NMBR: variants seen among roughly 807,000 people sequenced by gnomAD.
NMBR encodes the protein neuromedin-B receptor.
NMBR carries 16 observed loss-of-function variants against 20.5 expected under a neutral mutation model. The observed-to-expected ratio is 0.78, with a 90% CI of 0.53 to 1.19. The LOEUF (loss-of-function observed/expected upper bound fraction) is 1.19, where lower values mean the gene tolerates loss of function less well. NMBR is among the 50% of genes most tolerant of loss of function. NMBR has a pLI of 0.00. For missense variants in NMBR, 582 were observed against 499.1 expected (o/e 1.17, Z -1.58); for synonymous variants, 212 against 196.6 (o/e 1.08, Z -0.65).
Position 142,096,769 on chromosome 6 carries a change from G to C in NMBR, c.-663-7448C>G, listed in dbSNP as rs1405059841. Among the ~76,000 whole-genome samples the C allele has an allele frequency of 4.6e-5, 7 of 151,976 alleles. No individual in the cohort carries two copies. The South Asian group carries it at 1.5e-3, about 32-fold the overall frequency. Reference sequence around the variant, plus strand: ...GTTGATCTGTCTAATGTTGACAGTGGGGTGTTAAAGTCTCCCATTATTATT... The same window carrying C: ...GTTGATCTGTCTAATGTTGACAGTGCGGTGTTAAAGTCTCCCATTATTATT... On this transcript the variant is annotated intron_variant, in intron 1 of 3. Transcript: ENST00000258042.
Position 142,097,056 on chromosome 6 carries a change from G to A in NMBR, c.-663-7735C>T, listed in dbSNP as rs550093539. 6.6e-5 allele frequency among the ~76,000 whole-genome samples: 10 copies of A among 152,028 alleles called. No homozygotes were observed. The South Asian group carries it at 8.3e-4, about 13-fold the overall frequency. On this transcript the variant is annotated intron_variant, in intron 1 of 3. Coordinates refer to ENST00000258042, the MANE Select transcript of NMBR (RefSeq NM_002511.4). The stretch of plus-strand genomic sequence containing the variant: ...CTTCCACCATCCCTTTATTTTGAGC[G>A]TATGTGTGTCTTTGCACGTGAGATG...
chr6:142,144,677 T>A (rs1308345431), intron 1 of NMBR, among the ~76,000 whole-genome samples: 1 of 152,218 alleles, frequency 6.6e-6, no homozygotes, highest in Non-Finnish European at 1.5e-5. Flanking sequence ...TTTTATAGCA[T>A]AATTTCAATG....
chr6:142,130,057 C>A (rs1040854684), intron 1 of NMBR, among the ~76,000 whole-genome samples: 1 of 152,110 alleles, frequency 6.6e-6, no homozygotes, highest in Admixed American at 6.5e-5. Flanking sequence ...CTCTGCTTGG[C>A]CTTTGCTCTT....
rs77684305 is a variant in NMBR at position 142,109,476 on chromosome 6, C to CTTTT, written c.-663-20159_-663-20156dup. On this transcript the variant is annotated intron_variant, in intron 1 of 3. Transcript: ENST00000258042. Reference sequence around the variant, plus strand: ...TCAGTGTGTAAGACATTGGGTATGTCTTTTTTTTTTTTTTTTTTTTTGAGT... The same window carrying CTTTT: ...TCAGTGTGTAAGACATTGGGTATGTCTTTTTTTTTTTTTTTTTTTTTTTTTGAGT... 6.7e-4 allele frequency among the ~76,000 whole-genome samples: 73 copies of CTTTT among 108,306 alleles called. 2 individuals carry two copies. Among genetic ancestry groups the CTTTT allele is most frequent in the African/African-American group, 1.8e-3 (52 of 29,088 alleles). The allele number at this position is 108,306 out of a possible 152,430, so 71.1% of individuals were successfully genotyped here.
At chr6:142,077,575 T>A (rs1006550901) in intron 3 of NMBR, among the ~76,000 whole-genome samples, 3 of 152,338 alleles carry the variant, frequency 2.0e-5, no homozygotes, top group African/African-American at 7.2e-5. Flanking sequence ...TTTAAGTCTT[T>A]AAAGCCGATG....
chr6:142,092,567 A>G (rs1489557945), intron 1 of NMBR, among the ~76,000 whole-genome samples: 4 of 152,166 alleles, frequency 2.6e-5, no homozygotes, highest in Non-Finnish European at 5.9e-5. Context: ...ACCAGACAAA[A>G]CATATTAAAC....
At chr6:142,127,212 T>C (rs546429779) in intron 1 of NMBR, among the ~76,000 whole-genome samples, 2 of 152,126 alleles carry the variant, frequency 1.3e-5, no homozygotes, top group East Asian at 1.9e-4. Context: ...TGCATGTGGA[T>C]ATCCAGTTTT....
chr6:142,090,084 C>G (rs1000582521), intron 1 of NMBR, among the ~76,000 whole-genome samples: 4 of 152,064 alleles, frequency 2.6e-5, no homozygotes, highest in Non-Finnish European at 5.9e-5. Flanking sequence ...CAATAAACAT[C>G]TGATATGCTG....
Position 142,075,530 on chromosome 6 carries a change from C to T in NMBR, c.*118G>A. 4 of 922,596 alleles carry T rather than the reference C, an allele frequency of 4.3e-6. No individual in the cohort carries two copies. The South Asian group carries it at 7.6e-5, about 18-fold the overall frequency. The allele number at this position is 922,596 out of a possible 1,614,324, so 57.2% of individuals were successfully genotyped here. On this transcript the variant is annotated 3_prime_UTR_variant, in exon 4 of 4. Coordinates refer to ENST00000258042, the MANE Select transcript of NMBR (RefSeq NM_002511.4). ...GTAGAGAAAAAATGTCTTGCATTTT[C>T]TGAGTCAATCATGCAATTGCCTAAT...
At chr6:142,132,285 G>A (rs575691357) in intron 1 of NMBR, among the ~76,000 whole-genome samples, 1 of 152,304 alleles carries the variant, frequency 6.6e-6, no homozygotes, top group South Asian at 2.1e-4. Context: ...ATAGGTGGAT[G>A]GAAGATAGTA....
chr6:142,132,861 C>CCTGG (rs78334000), intron 1 of NMBR, among the ~76,000 whole-genome samples: 24,338 of 151,856 alleles, frequency 0.16, 2,488 homozygotes, highest in Non-Finnish European at 0.23. Flanking sequence ...TGCTGGCACT[C>CCTGG]CTGGCTGGCT....
intron 3 of NMBR, 136 bp from the exon 4 acceptor site, chr6:142,076,185 C>T (rs1776944321): frequency 1.5e-6 from 1 of 645,460 alleles, no homozygotes; most frequent in Non-Finnish European, 2.5e-6. Context: ...TTATTTTCCT[C>T]ACCAAAGTGA....
chr6:142,123,359 T>C (rs145792608), intron 1 of NMBR, among the ~76,000 whole-genome samples: 1 of 152,086 alleles, frequency 6.6e-6, no homozygotes, highest in Non-Finnish European at 1.5e-5. Context: ...TTTCTTCAGA[T>C]GCAATCTACT....
chr6:142,133,112 G>T, intron 1 of NMBR: 1 of 633,164 alleles, frequency 1.6e-6, no homozygotes, highest in South Asian at 1.8e-5. Flanking sequence ...TGGCAATGTG[G>T]GTCAAGAATT....
chr6:142,138,063 A>C (rs1023019304), intron 1 of NMBR, among the ~76,000 whole-genome samples: 17 of 151,980 alleles, frequency 1.1e-4, no homozygotes, highest in African/African-American at 4.1e-4. Flanking sequence ...GTTTATATTA[A>C]GTTAGACTTC....
At chr6:142,095,376 T>G (rs900966659) in intron 1 of NMBR, among the ~76,000 whole-genome samples, 3 of 152,240 alleles carry the variant, frequency 2.0e-5, no homozygotes, top group African/African-American at 7.2e-5. Context: ...TTGTTGAATT[T>G]TGTCCAAGGC....
intron 1 of NMBR, among the ~76,000 whole-genome samples, chr6:142,103,245 T>C (rs1768303006): frequency 6.6e-6 from 1 of 152,192 alleles, no homozygotes; most frequent in South Asian, 2.1e-4. Flanking sequence ...AATGCATTCA[T>C]TACCTGGTGA....
At chr6:142,103,567 C>A (rs559569412) in intron 1 of NMBR, among the ~76,000 whole-genome samples, 7 of 152,228 alleles carry the variant, frequency 4.6e-5, no homozygotes, top group African/African-American at 1.4e-4. Context: ...GTAACAAACA[C>A]TTTAAGGACT....
At chr6:142,095,138 C>A (rs1054438099) in intron 1 of NMBR, among the ~76,000 whole-genome samples, 2 of 152,068 alleles carry the variant, frequency 1.3e-5, no homozygotes, top group Non-Finnish European at 2.9e-5. Context: ...ATTGAATACC[C>A]TTTATTTCCT....
Sources: allele counts gnomAD v4.1 joint callset (sites outside exome capture counted in the v4.1 genomes callset), GRCh38; gene constraint gnomAD v4.1.1; transcripts MANE v1.5; gene names NCBI Gene and HGNC (gene_info 2026-07-23, HGNC 2026-07-21).